Variants in MACROD2 observed in about 807,000 individuals in gnomAD.
MACROD2 encodes the protein mono-ADP ribosylhydrolase 2, also known as ADP-ribose glycohydrolase MACROD2.
MACROD2 carries 36 observed loss-of-function variants against 70.4 expected under a neutral mutation model. That is an observed-to-expected ratio of 0.51 (90% CI 0.39 to 0.68). The LOEUF (loss-of-function observed/expected upper bound fraction) is 0.68. MACROD2 is among the 30% of genes least tolerant of loss of function. The pLI, the probability that MACROD2 is intolerant of heterozygous loss-of-function variation, is 0.00. For missense variants in MACROD2, 496 were observed against 538.4 expected (o/e 0.92, Z 0.78); for synonymous variants, 172 against 178.8 (o/e 0.96, Z 0.30).
At chr20:15,195,764 T>C (rs1007830058) in intron 5 of MACROD2, among the ~76,000 whole-genome samples, 10 of 152,152 alleles carry the variant, frequency 6.6e-5, no homozygotes, top group Admixed American at 5.2e-4. Context: ...TATTCTATTA[T>C]AAAGATGCAT....
intron 6 of MACROD2, among the ~76,000 whole-genome samples, chr20:15,337,681 A>G (rs1327648666): frequency 6.6e-6 from 1 of 151,634 alleles, no homozygotes; most frequent in Non-Finnish European, 1.5e-5. Context: ...TATAGTCACC[A>G]TGTTGTAATG....
At chr20:15,024,882 CCT>C (rs2075217918) in intron 5 of MACROD2, among the ~76,000 whole-genome samples, 1 of 152,106 alleles carries the variant, frequency 6.6e-6, no homozygotes, top group Non-Finnish European at 1.5e-5. Flanking sequence ...GAAATGAGCC[CCT>C]GTCTAAGGTA....
intron 15 of MACROD2, among the ~76,000 whole-genome samples, chr20:15,995,649 CTTTTTTTT>C (rs71192310): frequency 2.3e-5 from 2 of 85,508 alleles, no homozygotes; most frequent in Admixed American, 1.3e-4. Flanking sequence ...TATGCCCGGC[CTTTTTTTT>C]TTTTTTTTTT....
intron 8 of MACROD2, among the ~76,000 whole-genome samples, chr20:15,682,600 G>C (rs953945058): frequency 1.3e-5 from 2 of 152,168 alleles, no homozygotes; most frequent in African/African-American, 4.8e-5. Flanking sequence ...AAACCAGTGA[G>C]AGGACCATGT....
chr20:14,664,827 C>T (rs921126994), intron 4 of MACROD2, among the ~76,000 whole-genome samples: 5 of 152,048 alleles, frequency 3.3e-5, no homozygotes, highest in African/African-American at 1.2e-4. Context: ...GAAACTGAGG[C>T]CCAAAAGAGC....
chr20:15,546,276 A>G (rs950892693), intron 8 of MACROD2, among the ~76,000 whole-genome samples: 1 of 152,228 alleles, frequency 6.6e-6, no homozygotes, highest in African/African-American at 2.4e-5. Flanking sequence ...ATGACTTCAC[A>G]TGATAGCTAA....
At chr20:15,079,506 C>G (rs932405933) in intron 5 of MACROD2, among the ~76,000 whole-genome samples, 18 of 152,144 alleles carry the variant, frequency 1.2e-4, no homozygotes, top group Non-Finnish European at 2.1e-4. Context: ...CTTTGCAGCT[C>G]CTTCCCTGAA....
chr20:15,748,406 A>AT (rs924946374), intron 8 of MACROD2, among the ~76,000 whole-genome samples: 54 of 140,052 alleles, frequency 3.9e-4, no homozygotes, highest in Admixed American at 7.0e-4. Flanking sequence ...CTTTCTCTTT[A>AT]TTTTTTTTTC....
chr20:15,285,483 C>T (rs2077482709), intron 6 of MACROD2, among the ~76,000 whole-genome samples: 2 of 152,162 alleles, frequency 1.3e-5, no homozygotes, highest in Admixed American at 1.3e-4. Context: ...TGGACACATG[C>T]AATTTATATT....
At chr20:14,226,612 G>C (rs531991656) in intron 3 of MACROD2, among the ~76,000 whole-genome samples, 1 of 152,302 alleles carries the variant, frequency 6.6e-6, no homozygotes, top group African/African-American at 2.4e-5. Flanking sequence ...GCAGCCGGCC[G>C]GCCCTGCCAG....
chr20:15,717,132 G>C (rs781443499), intron 8 of MACROD2, among the ~76,000 whole-genome samples: 3 of 152,142 alleles, frequency 2.0e-5, no homozygotes, highest in Non-Finnish European at 4.4e-5. Context: ...TTTAGTTTTA[G>C]AGAAAAATTA....
Position 15,112,520 on chromosome 20 carries a change from T to A in MACROD2, c.419-117420T>A, listed in dbSNP as rs1601090618. Among the ~76,000 whole-genome samples the A allele has an allele frequency of 3.9e-5, 6 of 152,280 alleles. No individual in the cohort carries two copies. The South Asian group carries it at 1.2e-3, about 32-fold the overall frequency. On this transcript the variant is annotated intron_variant, in intron 5 of 17. Transcript: ENST00000684519. ...GTTGGTCATTTTATGTTCATTTTAC[T>A]GTTAAGAAAGAAAAAAATGCAGTGA...
intron 5 of MACROD2, among the ~76,000 whole-genome samples, chr20:15,128,402 A>G (rs1190356576): frequency 6.6e-6 from 1 of 152,068 alleles, no homozygotes; most frequent in African/African-American, 2.4e-5. Context: ...AAAACTTGTA[A>G]TATTTTCATT....
At chr20:14,755,390 T>C (rs186132447) in intron 5 of MACROD2, among the ~76,000 whole-genome samples, 4 of 152,226 alleles carry the variant, frequency 2.6e-5, no homozygotes, top group African/African-American at 9.6e-5. Context: ...TACTTTAGAA[T>C]GCCATGTATG....
At chr20:14,355,601 G>A (rs939307516) in intron 3 of MACROD2, among the ~76,000 whole-genome samples, 3 of 151,994 alleles carry the variant, frequency 2.0e-5, no homozygotes, top group African/African-American at 4.8e-5. Flanking sequence ...AATATATTAT[G>A]TAATTGTGAG....
chr20:15,083,013 C>T (rs1170537282), intron 5 of MACROD2, among the ~76,000 whole-genome samples: 1 of 152,140 alleles, frequency 6.6e-6, no homozygotes, highest in African/African-American at 2.4e-5. Context: ...TCAGCCTTTT[C>T]TGGGGTGAGG....
chr20:14,496,207 A>G (rs6042766), intron 4 of MACROD2, among the ~76,000 whole-genome samples: 8,274 of 152,176 alleles, frequency 0.054, 735 homozygotes, highest in African/African-American at 0.19. Flanking sequence ...TTTTTTCAAC[A>G]TGAATTAAAA....
At chr20:14,320,889 C>CT (rs1180291704) in intron 3 of MACROD2, among the ~76,000 whole-genome samples, 1 of 152,082 alleles carries the variant, frequency 6.6e-6, no homozygotes, top group African/African-American at 2.4e-5. Context: ...ATGTGCTTTT[C>CT]TTTAAATTCC....
At chr20:14,610,888 G>T (rs1264186968) in intron 4 of MACROD2, among the ~76,000 whole-genome samples, 4 of 152,000 alleles carry the variant, frequency 2.6e-5, no homozygotes, top group Admixed American at 2.6e-4. Context: ...AATGATGTTA[G>T]CTTGGTTTAT....
Sources: allele counts gnomAD v4.1 joint callset (sites outside exome capture counted in the v4.1 genomes callset), GRCh38; gene constraint gnomAD v4.1.1; transcripts MANE v1.5; gene names NCBI Gene and HGNC (gene_info 2026-07-23, HGNC 2026-07-21).